Variants in XRCC2 observed in about 807,000 individuals in gnomAD.
The protein encoded by XRCC2 is X-ray repair cross complementing 2.
Under a neutral mutation model 27.3 loss-of-function variants are expected in XRCC2, and 24 were observed. The ratio of observed to expected loss-of-function variants is 0.88; its 90% confidence interval spans 0.64 to 1.24. The LOEUF is 1.24. Ranked by LOEUF, XRCC2 falls within the 50% of genes most tolerant of loss-of-function variation. The probability of loss-of-function intolerance (pLI) is 0.00; values close to 1 mark genes in which losing one functional copy is unlikely to be tolerated. For synonymous variants in XRCC2, 106 were observed against 115.4 expected (o/e 0.92, Z 0.52); for missense variants, 321 against 325.8 (o/e 0.99, Z 0.11).
chr7:152,674,824 C>G (rs772495961), intron 1 of XRCC2, among the ~76,000 whole-genome samples: 1 of 102,326 alleles, frequency 9.8e-6, no homozygotes. Context: ...CGTTCTTATA[C>G]TAAGCAGTGG....
intron 1 of XRCC2, among the ~76,000 whole-genome samples, chr7:152,661,009 A>G (rs1443148475): frequency 6.6e-6 from 1 of 152,160 alleles, no homozygotes; most frequent in Non-Finnish European, 1.5e-5. Context: ...TACAAAAAAT[A>G]CAAAAATTAT....
At chr7:152,654,232 G>GT (rs2098029819) in intron 2 of XRCC2, among the ~76,000 whole-genome samples, 3 of 150,360 alleles carry the variant, frequency 2.0e-5, no homozygotes, top group East Asian at 3.9e-4. Context: ...AAGATGGTAG[G>GT]TAATAAGGGG....
intron 1 of XRCC2, among the ~76,000 whole-genome samples, chr7:152,661,952 C>T (rs777612639): frequency 2.0e-5 from 3 of 152,134 alleles, no homozygotes; most frequent in Non-Finnish European, 2.9e-5. Context: ...AAAAGAGTAC[C>T]TGGCATATTA....
chr7:152,675,605 A>G (rs1322224870), intron 1 of XRCC2, among the ~76,000 whole-genome samples: 1 of 152,044 alleles, frequency 6.6e-6, no homozygotes, highest in Non-Finnish European at 1.5e-5. Flanking sequence ...AACCTCCGCA[A>G]ACACCACCTG....
At chr7:152,665,487 C>CTTTTTTTTTT (rs66692067) in intron 1 of XRCC2, among the ~76,000 whole-genome samples, 1 of 84,328 alleles carries the variant, frequency 1.2e-5, no homozygotes. Context: ...TAAGACAAAC[C>CTTTTTTTTTT]TTTTTTTTTT....
In XRCC2 at chr7:152,648,527, A is replaced by G; in HGVS notation, c.*115T>C. 8.7e-7 allele frequency: 1 copy of G among 1,145,784 alleles called. No homozygotes were observed. Among genetic ancestry groups the G allele is most frequent in the South Asian group, 1.7e-5 (1 of 60,528 alleles). 71.0% of individuals were successfully genotyped at this position (1,145,784 alleles called of 1,614,324 possible). A position where few individuals can be genotyped will look rare whatever the true frequency, so the allele number is the denominator to read the frequency against. ...CTTGAGGCCAGGAGTTCAAGGCTGC[A>G]GTGAGCCATGATTGTGCCACTGCAC... On this transcript the variant is annotated 3_prime_UTR_variant, in exon 3 of 3. Transcript: ENST00000359321.
At chr7:152,660,666 T>G (rs1175482882) in intron 2 of XRCC2, 35 bp downstream of exon 2, 1 of 1,553,378 alleles carries the variant, frequency 6.4e-7, no homozygotes, top group Admixed American at 1.8e-5. Context: ...TTTATAAAGA[T>G]TTGCATTTAT....
At chr7:152,662,777 T>G (rs1285819995) in intron 1 of XRCC2, among the ~76,000 whole-genome samples, 7 of 150,862 alleles carry the variant, frequency 4.6e-5, no homozygotes, top group African/African-American at 1.2e-4. Context: ...GTTTCACCAT[T>G]TTAGCCGGGA....
chr7:152,672,389 CTTTT>C (rs1338324437), intron 1 of XRCC2, among the ~76,000 whole-genome samples: 4 of 152,206 alleles, frequency 2.6e-5, no homozygotes, highest in Admixed American at 6.5e-5. Flanking sequence ...TGTAGCTTTT[CTTTT>C]TAAGAAAATC....
intron 2 of XRCC2, among the ~76,000 whole-genome samples, chr7:152,653,997 AC>A: frequency 6.6e-6 from 1 of 152,094 alleles, no homozygotes; most frequent in African/African-American, 2.4e-5. Flanking sequence ...GGAGTTCAAG[AC>A]CAGCCTGGCC....
At chr7:152,668,536 CAGGGTAA>C (rs576001921) in intron 1 of XRCC2, among the ~76,000 whole-genome samples, 44 of 142,254 alleles carry the variant, frequency 3.1e-4, no homozygotes, top group African/African-American at 9.9e-4. Flanking sequence ...GTTAAGTGTC[CAGGGTAA>C]AGGGAACCCA....
intron 2 of XRCC2, among the ~76,000 whole-genome samples, chr7:152,653,146 G>A (rs1053451254): frequency 1.3e-5 from 2 of 152,134 alleles, no homozygotes; most frequent in Non-Finnish European, 2.9e-5. Flanking sequence ...TGCTGTTCTC[G>A]TGATAGTGAG....
In XRCC2 at chr7:152,648,589, A is replaced by G; in HGVS notation, c.*53T>C. On this transcript the variant is annotated 3_prime_UTR_variant, in exon 3 of 3. Coordinates refer to ENST00000359321, the MANE Select transcript of XRCC2 (RefSeq NM_005431.2). ...AGACAGAGCAAGACTCTGTCTTAAG[A>G]AAAATTTTAAGGCTTGCGTAGTACC... 8 of 1,514,250 alleles carry G rather than the reference A, an allele frequency of 5.3e-6. No homozygotes were observed. Among genetic ancestry groups the G allele is most frequent in the South Asian group, 2.7e-5 (2 of 74,184 alleles). 93.8% of individuals were successfully genotyped at this position (1,514,250 alleles called of 1,614,324 possible). A position where few individuals can be genotyped will look rare whatever the true frequency, so the allele number is the denominator to read the frequency against.
At chr7:152,671,930 A>G (rs1419733561) in intron 1 of XRCC2, among the ~76,000 whole-genome samples, 1 of 151,970 alleles carries the variant, frequency 6.6e-6, no homozygotes, top group Non-Finnish European at 1.5e-5. Context: ...AGTCCCAGCT[A>G]CTCGGGAGGC....
In XRCC2 at chr7:152,651,688, AT is replaced by A. The variant is rs1207756924; in HGVS notation, c.122-2326del. Among the ~76,000 whole-genome samples the A allele has an allele frequency of 3.3e-5, 5 of 151,794 alleles. No homozygotes were observed. The East Asian group carries it at 9.9e-4, about 30-fold the overall frequency. On this transcript the variant is annotated intron_variant, in intron 2 of 2. Transcript: ENST00000359321. The stretch of plus-strand genomic sequence containing the variant: ...GTCATCATGCCTGGCTAATTTTTGT[AT>A]TTCTTGTAAAGACTGGGTTCCACCA...
At chr7:152,653,190 G>A (rs1040949077) in intron 2 of XRCC2, among the ~76,000 whole-genome samples, 2 of 152,096 alleles carry the variant, frequency 1.3e-5, no homozygotes, top group African/African-American at 4.8e-5. Flanking sequence ...TATTATAAGG[G>A]AGAATTTTCC....
At position 152,648,895 on chromosome 7, in the gene XRCC2, G is replaced by C. The variant is rs2098027260; in HGVS notation, c.590C>G (p.Thr197Ser). ...TGAGCTCGAGGCTTTCTGCATTATA[G>C]TTTGTGTCGTTGCAAAAAGAACCAG... ...YRLVLFATTQTIMQKASSSSE... is the reference protein window; with the variant it reads ...YRLVLFATTQSIMQKASSSSE... The change falls in exon 3 of 3, where the codon ACT becomes AGT. Residue 197 changes from threonine (T) to serine (S), a missense_variant. Transcript: ENST00000359321. The C allele has an allele frequency of 6.2e-7, 1 of 1,614,164 alleles. No individual in the cohort carries two copies. The highest frequency in any genetic ancestry group is 8.5e-7 in the Non-Finnish European group (1 of 1,180,034).
At chr7:152,651,472 G>A (rs1306575038) in intron 2 of XRCC2, among the ~76,000 whole-genome samples, 2 of 150,388 alleles carry the variant, frequency 1.3e-5, no homozygotes, top group African/African-American at 4.9e-5. Context: ...TGCATCAGTA[G>A]TCCCAGCTAA....
chr7:152,671,685 G>C (rs1187856186), intron 1 of XRCC2, among the ~76,000 whole-genome samples: 1 of 152,164 alleles, frequency 6.6e-6, no homozygotes, highest in Non-Finnish European at 1.5e-5. Flanking sequence ...GTTTTGTAGT[G>C]AGAAAGTGAA....
Sources: gnomAD v4.1 joint callset for allele counts (sites outside exome capture counted in the v4.1 genomes callset) on GRCh38, gnomAD v4.1.1 for gene constraint, MANE v1.5 for transcripts, NCBI Gene and HGNC (gene_info 2026-07-23, HGNC 2026-07-21) for gene names.